FRMD4A: variants seen among roughly 807,000 people sequenced by gnomAD.
The protein encoded by FRMD4A is FERM domain-containing protein 4A.
FRMD4A carries 29 observed loss-of-function variants against 129.1 expected under a neutral mutation model. The ratio of observed to expected loss-of-function variants is 0.22; its 90% CI spans 0.17 to 0.31. The LOEUF is 0.31. Ranked by LOEUF, FRMD4A falls within the 10% of genes least tolerant of loss-of-function variation. FRMD4A has a pLI of 1.00. For synonymous variants in FRMD4A, 634 were observed against 571.6 expected (o/e 1.11, Z -1.56); for missense variants, 1,272 against 1,375.8 (o/e 0.92, Z 1.19).
At chr10:14,267,089 G>A (rs1199363023) in intron 2 of FRMD4A, among the ~76,000 whole-genome samples, 1 of 152,208 alleles carries the variant, frequency 6.6e-6, no homozygotes, top group Non-Finnish European at 1.5e-5. Flanking sequence ...TAGAACAAAT[G>A]TACACAAAGA....
intron 2 of FRMD4A, among the ~76,000 whole-genome samples, chr10:13,937,835 A>G (rs1187469860): frequency 6.6e-6 from 1 of 152,220 alleles, no homozygotes; most frequent in Non-Finnish European, 1.5e-5. Context: ...TAACCATTAT[A>G]TTGTGAACGA....
chr10:13,882,674 C>T (rs897797314), intron 2 of FRMD4A, among the ~76,000 whole-genome samples: 5 of 152,208 alleles, frequency 3.3e-5, no homozygotes, highest in Non-Finnish European at 7.3e-5. Flanking sequence ...CCTCTTCATC[C>T]TCACTGCCCA....
chr10:14,246,008 C>T (rs1398268977), intron 2 of FRMD4A, among the ~76,000 whole-genome samples: 1 of 152,154 alleles, frequency 6.6e-6, no homozygotes, highest in Admixed American at 6.5e-5. Flanking sequence ...CCGTCATCTG[C>T]CTTTGCCATC....
At chr10:14,165,395 T>C (rs1841119539) in intron 2 of FRMD4A, among the ~76,000 whole-genome samples, 1 of 152,220 alleles carries the variant, frequency 6.6e-6, no homozygotes, top group Non-Finnish European at 1.5e-5. Flanking sequence ...AAAAATGGAA[T>C]GCCTATACAC....
chr10:13,940,717 G>T (rs2614156), intron 2 of FRMD4A, among the ~76,000 whole-genome samples: 1 of 151,972 alleles, frequency 6.6e-6, no homozygotes, highest in African/African-American at 2.4e-5. Flanking sequence ...AATGTCAAGA[G>T]AAGATGTCCT....
At chr10:13,959,200 C>T (rs1256600461) in intron 2 of FRMD4A, among the ~76,000 whole-genome samples, 1 of 152,032 alleles carries the variant, frequency 6.6e-6, no homozygotes, top group Admixed American at 6.5e-5. Context: ...GGGCTAGGTG[C>T]GGAGGGTCAC....
intron 2 of FRMD4A, among the ~76,000 whole-genome samples, chr10:14,174,919 G>GT (rs60814768): frequency 6.7e-6 from 1 of 149,434 alleles, no homozygotes; most frequent in Admixed American, 6.7e-5. Flanking sequence ...GTGTGTGTGT[G>GT]GACGCGCGCG....
intron 3 of FRMD4A, among the ~76,000 whole-genome samples, chr10:13,846,967 G>A (rs1171330455): frequency 1.3e-5 from 2 of 152,160 alleles, no homozygotes; most frequent in Non-Finnish European, 2.9e-5. Context: ...GGTGGCAAAT[G>A]TCTACACTGG....
At chr10:14,303,034 A>G (rs903501545) in intron 2 of FRMD4A, among the ~76,000 whole-genome samples, 3 of 152,242 alleles carry the variant, frequency 2.0e-5, no homozygotes, top group African/African-American at 4.8e-5. Flanking sequence ...AACAATGTCA[A>G]TGCAAGATGC....
At chr10:13,852,436 G>A (rs969002949) in intron 3 of FRMD4A, among the ~76,000 whole-genome samples, 7 of 151,886 alleles carry the variant, frequency 4.6e-5, no homozygotes, top group African/African-American at 1.7e-4. Context: ...TGTTGGCCAG[G>A]ATGGTCTTGA....
intron 2 of FRMD4A, among the ~76,000 whole-genome samples, chr10:14,246,859 G>C (rs1369885333): frequency 6.6e-6 from 1 of 152,136 alleles, no homozygotes; most frequent in East Asian, 1.9e-4. Context: ...GGTGGAAGGG[G>C]AGGGAGTGTG....
At chr10:13,920,306 T>C (rs1450011608) in intron 2 of FRMD4A, among the ~76,000 whole-genome samples, 1 of 152,150 alleles carries the variant, frequency 6.6e-6, no homozygotes, top group African/African-American at 2.4e-5. Context: ...CCTCCCCAAC[T>C]CCATGTTTTT....
intron 2 of FRMD4A, chr10:14,003,518 T>G (rs2095650361): frequency 6.6e-6 from 1 of 152,188 alleles, no homozygotes; most frequent in South Asian, 2.1e-4. Context: ...ATGCTCCCAC[T>G]TCAACAGGTG....
intron 2 of FRMD4A, among the ~76,000 whole-genome samples, chr10:14,260,885 A>G (rs1393769880): frequency 1.3e-5 from 2 of 152,232 alleles, no homozygotes; most frequent in Non-Finnish European, 2.9e-5. Flanking sequence ...AGAATGTTGG[A>G]TTCTGAGTAG....
intron 2 of FRMD4A, among the ~76,000 whole-genome samples, chr10:14,138,624 G>T (rs1839668292): frequency 6.6e-6 from 1 of 152,042 alleles, no homozygotes; most frequent in Non-Finnish European, 1.5e-5. Context: ...CCAGGCCGTG[G>T]TGGTGCGCGC....
intron 12 of FRMD4A, among the ~76,000 whole-genome samples, chr10:13,729,169 C>T (rs1211914625): frequency 6.1e-5 from 3 of 49,422 alleles, no homozygotes; most frequent in Non-Finnish European, 1.5e-4. Context: ...GACTGTGCTG[C>T]GATCTGAAAG....
intron 2 of FRMD4A, among the ~76,000 whole-genome samples, chr10:14,151,635 C>G (rs149238639): frequency 2.6e-5 from 4 of 151,940 alleles, no homozygotes; most frequent in Admixed American, 1.3e-4. Flanking sequence ...CATGTACCCT[C>G]TAAATAAAAA....
chr10:14,201,913 A>G (rs1842648306), intron 2 of FRMD4A, among the ~76,000 whole-genome samples: 2 of 151,894 alleles, frequency 1.3e-5, no homozygotes, highest in Non-Finnish European at 2.9e-5. Context: ...GCTGGATCAT[A>G]AGGTCAGGAG....
intron 2 of FRMD4A, among the ~76,000 whole-genome samples, chr10:14,174,967 T>C (rs1841663768): frequency 1.3e-5 from 2 of 151,228 alleles, no homozygotes; most frequent in South Asian, 4.2e-4. Context: ...TAAATCAGGA[T>C]TGACTGTTTC....
Sources: allele counts gnomAD v4.1 joint callset (sites outside exome capture counted in the v4.1 genomes callset), GRCh38; gene constraint gnomAD v4.1.1; transcripts MANE v1.5; gene names NCBI Gene and HGNC (gene_info 2026-07-23, HGNC 2026-07-21).